The following CSMD3 variants were observed in gnomAD, a reference collection of about 807,000 sequenced individuals.
CSMD3 encodes the protein CUB and sushi domain-containing protein 3.
CSMD3 carries 177 observed loss-of-function variants against 435.2 expected under a neutral mutation model. The observed-to-expected ratio is 0.41, with a 90% CI of 0.36 to 0.46. The LOEUF (loss-of-function observed/expected upper bound fraction) is 0.46. Ranked by LOEUF, CSMD3 falls within the 20% of genes least tolerant of loss-of-function variation. The pLI, the probability that CSMD3 is intolerant of heterozygous loss-of-function variation, is 0.34. For missense variants in CSMD3, 4,265 were observed against 4,504.6 expected, an observed-to-expected ratio of 0.95 and a Z score of 1.52; for synonymous variants, 1,656 against 1,520.5, an observed-to-expected ratio of 1.09 and a Z score of -2.07.
chr8:112,448,823 G>A (rs1490985895), intron 32 of CSMD3, among the ~76,000 whole-genome samples: 3 of 149,420 alleles, frequency 2.0e-5, no homozygotes, highest in African/African-American at 5.0e-5. Context: ...GTTTCTTACA[G>A]CATTACATTG....
chr8:112,467,829 G>A (rs929464944), intron 32 of CSMD3, among the ~76,000 whole-genome samples: 1 of 152,064 alleles, frequency 6.6e-6, no homozygotes, highest in Non-Finnish European at 1.5e-5. Context: ...AGGCTTGCTG[G>A]GAGTCACCAG....
intron 5 of CSMD3, among the ~76,000 whole-genome samples, chr8:113,068,703 T>C (rs1262232876): frequency 6.6e-6 from 1 of 152,162 alleles, no homozygotes; most frequent in African/African-American, 2.4e-5. Context: ...AAAAGCAACC[T>C]GGTCTTTCTC....
At chr8:112,892,359 A>G (rs959569756) in intron 10 of CSMD3, among the ~76,000 whole-genome samples, 6 of 151,544 alleles carry the variant, frequency 4.0e-5, no homozygotes, top group Non-Finnish European at 8.9e-5. Context: ...CAACTTTGCT[A>G]TACTTTATGG....
chr8:112,710,152 T>G (rs931694362), intron 13 of CSMD3, among the ~76,000 whole-genome samples: 1 of 152,154 alleles, frequency 6.6e-6, no homozygotes, highest in Non-Finnish European at 1.5e-5. Flanking sequence ...GTTTATTTTT[T>G]CTTCAGATAA....
At chr8:112,530,682 A>G (rs1381926189) in intron 27 of CSMD3, among the ~76,000 whole-genome samples, 4 of 152,174 alleles carry the variant, frequency 2.6e-5, no homozygotes, top group Admixed American at 2.6e-4. Flanking sequence ...TACACAGCAA[A>G]CGTACAACAC....
chr8:112,556,817 T>C lies in CSMD3; in HGVS notation c.4180A>G (p.Lys1394Glu). Reference sequence around the variant, plus strand: ...GCCCTTCTCTCCCCTGTCATGCACTTGAGAAGGCTACTTCCGTGGAGAGTG... The same window carrying C: ...GCCCTTCTCTCCCCTGTCATGCACTCGAGAAGGCTACTTCCGTGGAGAGTG... ...GYTLHGSSLL[K>E]CMTGERRAWD... The change falls in exon 25 of 71, where the codon AAG becomes GAG. Residue 1394 changes from lysine to glutamate, a missense_variant. Physicochemically the swap from Lys to Glu is moderately conservative, Grantham distance 56. This residue lies in a region of CSMD3 where 3,255 missense variants were observed against 3,380.2 expected (regional missense o/e 0.96). Transcript: ENST00000297405. 6.2e-7 allele frequency: 1 copy of C among 1,611,674 alleles called. No individual in the cohort carries two copies.
chr8:113,241,688 C>T (rs2093219555), intron 3 of CSMD3, among the ~76,000 whole-genome samples: 1 of 151,116 alleles, frequency 6.6e-6, no homozygotes, highest in African/African-American at 2.4e-5. Flanking sequence ...AAAGAAAACA[C>T]TTTAAAATCT....
intron 45 of CSMD3, among the ~76,000 whole-genome samples, chr8:112,320,373 TA>T (rs1488871969): frequency 6.6e-6 from 1 of 152,168 alleles, no homozygotes; most frequent in Non-Finnish European, 1.5e-5. Flanking sequence ...CATACAGCAA[TA>T]ATTGCAAACA....
intron 3 of CSMD3, among the ~76,000 whole-genome samples, chr8:113,262,384 A>T (rs1455700771): frequency 2.6e-5 from 4 of 152,042 alleles, no homozygotes; most frequent in African/African-American, 9.7e-5. Context: ...TTGAATTATC[A>T]TCTAAATAAG....
intron 57 of CSMD3, among the ~76,000 whole-genome samples, chr8:112,287,474 G>T (rs1819322313): frequency 6.6e-6 from 1 of 151,918 alleles, no homozygotes; most frequent in Admixed American, 6.6e-5. Context: ...CAGTGAATTT[G>T]GAGACGTTAA....
chr8:112,262,629 A>AT (rs1037115124), intron 61 of CSMD3, among the ~76,000 whole-genome samples: 1 of 152,222 alleles, frequency 6.6e-6, no homozygotes, highest in South Asian at 2.1e-4. Context: ...GAAAAAAGAA[A>AT]TTTTTTGTAA....
intron 1 of CSMD3, among the ~76,000 whole-genome samples, chr8:113,374,798 T>C (rs2094368272): frequency 7.6e-6 from 1 of 131,160 alleles, no homozygotes; most frequent in Non-Finnish European, 1.5e-5. Flanking sequence ...CACTGCCATA[T>C]GCACCTTGTT....
chr8:113,420,546 T>C (rs1236498679), intron 1 of CSMD3, among the ~76,000 whole-genome samples: 1 of 152,120 alleles, frequency 6.6e-6, no homozygotes, highest in Non-Finnish European at 1.5e-5. Context: ...AATATTTATG[T>C]CTACAATTTT....
intron 3 of CSMD3, among the ~76,000 whole-genome samples, chr8:113,246,309 G>C (rs908724042): frequency 7.9e-5 from 12 of 151,836 alleles, no homozygotes; most frequent in African/African-American, 2.9e-4. Flanking sequence ...TGACCCATTT[G>C]TATGTTTACT....
chr8:112,889,604 T>A (rs2130310719), intron 10 of CSMD3, among the ~76,000 whole-genome samples: 1 of 151,804 alleles, frequency 6.6e-6, no homozygotes, highest in South Asian at 2.1e-4. Flanking sequence ...TTCAATGATT[T>A]CATGTCTGCT....
chr8:112,656,317 A>C lies in CSMD3; in HGVS notation c.2841T>G (p.Asp947Glu). Residue 947 changes from aspartate (D) to glutamate (E), a missense_variant, in exon 18 of 71, where the codon GAT (aspartate) becomes GAG (glutamate). Transcript: ENST00000297405. ...FERFQTELNY[D>E]VLEVHDGPNL... Reference sequence around the variant, plus strand: ...TTGGCCCATCATGAACTTCCAGAACATCATAATTCAGTTCAGTCTGAAATC... The same window carrying C: ...TTGGCCCATCATGAACTTCCAGAACCTCATAATTCAGTTCAGTCTGAAATC... The C allele has an allele frequency of 6.2e-7, 1 of 1,613,296 alleles. No individual in the cohort carries two copies. The highest frequency in any genetic ancestry group is 8.5e-7 in the Non-Finnish European group (1 of 1,179,482).
intron 10 of CSMD3, among the ~76,000 whole-genome samples, chr8:112,868,344 A>AT (rs755713522): frequency 6.6e-6 from 1 of 152,160 alleles, no homozygotes; most frequent in Non-Finnish European, 1.5e-5. Flanking sequence ...CAAAATGATG[A>AT]TAAAAAGTAT....
intron 31 of CSMD3, among the ~76,000 whole-genome samples, chr8:112,487,055 C>T (rs928141049): frequency 1.3e-5 from 2 of 152,168 alleles, no homozygotes; most frequent in African/African-American, 4.8e-5. Context: ...TGGATGCTCA[C>T]TGTACGTTGT....
chr8:113,276,322 T>C (rs1419229015), intron 3 of CSMD3, among the ~76,000 whole-genome samples: 1 of 152,046 alleles, frequency 6.6e-6, no homozygotes, highest in East Asian at 1.9e-4. Context: ...GCTGAGAAAT[T>C]TCTTCACCTG....
Sources: allele counts gnomAD v4.1 joint callset (sites outside exome capture counted in the v4.1 genomes callset), GRCh38; gene constraint gnomAD v4.1.1; regional missense constraint gnomAD v4.1.1; transcripts MANE v1.5; gene names NCBI Gene and HGNC (gene_info 2026-07-23, HGNC 2026-07-21).